Variants in MMD observed in about 807,000 individuals in gnomAD.
The protein encoded by MMD is monocyte to macrophage differentiation factor.
In MMD, 22 loss-of-function variants were observed where a neutral mutation model predicts 33.6. The observed-to-expected ratio is 0.66, with a 90% confidence interval of 0.47 to 0.94. The LOEUF (loss-of-function observed/expected upper bound fraction) is 0.94. Ranked by LOEUF, MMD falls within the 40% of genes least tolerant of loss-of-function variation. MMD has a pLI of 0.00. For synonymous variants in MMD, 97 were observed against 103.2 expected (o/e 0.94, Z 0.36); for missense variants, 242 against 309.8 (o/e 0.78, Z 1.64).
chr17:55,398,111 CA>C lies in MMD; in HGVS notation c.516+3357del, dbSNP rs57881926. On this transcript the variant is annotated intron_variant, in intron 6 of 6. Coordinates refer to ENST00000262065, the MANE Select transcript of MMD (RefSeq NM_012329.3). ...GGAAAAGTTGTAACTATTATTTCTT[CA>C]AAAAAAAAAAAAAAAAAGAAAAGAA... 7.6e-4 allele frequency among the ~76,000 whole-genome samples: 100 copies of C among 132,120 alleles called. 1 individual carries two copies. The highest frequency in any genetic ancestry group is 6.0e-3 in the East Asian group (25 of 4,170). 86.7% of individuals were successfully genotyped at this position (132,120 alleles called of 152,430 possible).
At chr17:55,421,423 G>A (rs1051900310) in intron 1 of MMD, among the ~76,000 whole-genome samples, 12 of 152,204 alleles carry the variant, frequency 7.9e-5, no homozygotes, top group Non-Finnish European at 1.6e-4. Flanking sequence ...TCCCGGGGCC[G>A]GGAATCCATC....
At chr17:55,405,752 T>C (rs2143136441) in intron 4 of MMD, among the ~76,000 whole-genome samples, 1 of 152,280 alleles carries the variant, frequency 6.6e-6, no homozygotes, top group African/African-American at 2.4e-5. Flanking sequence ...AGCACTTACT[T>C]TTTACTCCTT....
chr17:55,418,230 G>C (rs1454242313), intron 1 of MMD, among the ~76,000 whole-genome samples: 1 of 152,196 alleles, frequency 6.6e-6, no homozygotes, highest in Non-Finnish European at 1.5e-5. Flanking sequence ...GTAAGACTTT[G>C]ATTTGTTTTA....
intron 1 of MMD, among the ~76,000 whole-genome samples, chr17:55,416,532 T>C (rs2143160053): frequency 6.6e-6 from 1 of 152,278 alleles, no homozygotes; most frequent in Non-Finnish European, 1.5e-5. Context: ...TGGGGCTCAG[T>C]AGGATAGACA....
At position 55,414,171 on chromosome 17, in the gene MMD, C is replaced by T; in HGVS notation, c.88G>A (p.Ala30Thr). The T allele has an allele frequency of 6.2e-7, 1 of 1,613,890 alleles. No homozygotes were observed. Among genetic ancestry groups the T allele is most frequent in the Non-Finnish European group, 8.5e-7 (1 of 1,179,814 alleles). The change falls in exon 2 of 7, where the codon GCT becomes ACT. Residue 30 changes from alanine to threonine, a missense_variant. Coordinates refer to ENST00000262065, the MANE Select transcript of MMD (RefSeq NM_012329.3). ...RYKPTCYEHA[A>T]NCYTHAFLIV... ...CTCACTGCGTGTGTGTAACAGTTAG[C>T]AGCATGTTCATAGCAAGTTGGCTTG...
Position 55,394,517 on chromosome 17 carries a change from A to T in MMD, c.534T>A (p.Leu178=). The change falls in exon 7 of 7, where the codon CTT becomes CTA. Residue 178 remains leucine, a synonymous_variant. Transcript: ENST00000262065. Reference sequence around the variant, plus strand: ...TTAAGCCCCCACAGGCAAGTTCCTGAAGTCCATCGGTGTTGTTCTGTCAAC... The same window carrying T: ...TTAAGCCCCCACAGGCAAGTTCCTGTAGTCCATCGGTGTTGTTCTGTCAAC... ...VVTSMNNTDG[L]QELACGGLIY... 1 of 1,520,282 alleles carries T rather than the reference A, an allele frequency of 6.6e-7. No homozygotes were observed. Among genetic ancestry groups the T allele is most frequent in the East Asian group, 2.6e-5 (1 of 39,182 alleles). 94.2% of individuals were successfully genotyped at this position (1,520,282 alleles called of 1,614,324 possible).
chr17:55,411,666 A>G (rs1022478193), intron 2 of MMD, among the ~76,000 whole-genome samples: 6 of 152,000 alleles, frequency 3.9e-5, no homozygotes, highest in African/African-American at 1.5e-4. Flanking sequence ...TCAAGGATGC[A>G]ACATCATTCA....
At chr17:55,398,034 C>T (rs1907178167) in intron 6 of MMD, among the ~76,000 whole-genome samples, 2 of 148,708 alleles carry the variant, frequency 1.3e-5, no homozygotes, top group African/African-American at 5.0e-5. Flanking sequence ...TTATACTGCT[C>T]AGGCCTCCTC....
At chr17:55,401,939 A>G (rs1907346469) in intron 5 of MMD, among the ~76,000 whole-genome samples, 1 of 151,884 alleles carries the variant, frequency 6.6e-6, no homozygotes, top group South Asian at 2.1e-4. Context: ...GGGCGTGGCG[A>G]GCGCCTGTAG....
chr17:55,416,926 T>C (rs974186881), intron 1 of MMD, among the ~76,000 whole-genome samples: 2 of 151,994 alleles, frequency 1.3e-5, no homozygotes, highest in African/African-American at 2.4e-5. Context: ...TTTTTACTCA[T>C]TCCTTCACTT....
chr17:55,420,950 GC>G lies in MMD; in HGVS notation c.26+719del, dbSNP rs545416891. Among the ~76,000 whole-genome samples the G allele has an allele frequency of 1.6e-4, 25 of 152,308 alleles. No homozygotes were observed. In the South Asian group the frequency reaches 3.7e-3, roughly 23 times the overall value. On this transcript the variant is annotated intron_variant, in intron 1 of 6. Transcript: ENST00000262065. ...TGAGCAGTCGGCCAGCCTTCCGGTG[GC>G]GCCTCCACGGTTCCTCCTCCTCGTT...
intron 6 of MMD, among the ~76,000 whole-genome samples, chr17:55,397,181 A>G (rs1907133105): frequency 6.6e-6 from 1 of 151,732 alleles, no homozygotes; most frequent in Non-Finnish European, 1.5e-5. Flanking sequence ...ATTTATTTAG[A>G]GACAGCATCT....
chr17:55,398,125 A>AAG (rs1555615084), intron 6 of MMD, among the ~76,000 whole-genome samples: 7 of 139,526 alleles, frequency 5.0e-5, no homozygotes, highest in African/African-American at 1.6e-4. Flanking sequence ...AAAAAAAAAA[A>AAG]AAAAGAAAAG....
intron 3 of MMD, among the ~76,000 whole-genome samples, chr17:55,409,178 T>C (rs1001156766): frequency 7.2e-5 from 11 of 152,238 alleles, no homozygotes; most frequent in African/African-American, 2.4e-4. Context: ...GCCATAGGTC[T>C]AAAGAAGCAA....
intron 2 of MMD, among the ~76,000 whole-genome samples, chr17:55,412,748 G>C (rs1238058341): frequency 6.6e-6 from 1 of 152,170 alleles, no homozygotes; most frequent in East Asian, 1.9e-4. Flanking sequence ...CCTCCGGGAA[G>C]CAATGGCCAC....
intron 5 of MMD, among the ~76,000 whole-genome samples, chr17:55,401,937 C>T (rs1018356939): frequency 1.1e-4 from 17 of 151,772 alleles, no homozygotes; most frequent in African/African-American, 3.9e-4. Flanking sequence ...CTGGGCGTGG[C>T]GAGCGCCTGT....
At position 55,396,601 on chromosome 17, in the gene MMD, T is replaced by G. The variant is rs149689343; in HGVS notation, c.517-2067A>C. ...AACATTTATTTTGCTTTTGTTGTTGTTGGTGGTGGTGGTGGTTATTCTTTT... is the reference window on the plus strand; with the variant it reads ...AACATTTATTTTGCTTTTGTTGTTGGTGGTGGTGGTGGTGGTTATTCTTTT... On this transcript the variant is annotated intron_variant, in intron 6 of 6. Coordinates refer to ENST00000262065, the MANE Select transcript of MMD (RefSeq NM_012329.3). Among the ~76,000 whole-genome samples the G allele has an allele frequency of 6.9e-3, 1,051 of 152,156 alleles. 33 individuals carry two copies. The highest frequency in any genetic ancestry group is 0.06 in the Admixed American group (920 of 15,226).
chr17:55,419,679 C>G (rs1011341647), intron 1 of MMD, among the ~76,000 whole-genome samples: 9 of 152,158 alleles, frequency 5.9e-5, no homozygotes, highest in Admixed American at 1.3e-4. Context: ...TGTTTATAGG[C>G]TTTATTTCCA....
In MMD at chr17:55,421,638, G is replaced by C. The variant is rs780740742; in HGVS notation, c.26+32C>G. On this transcript the variant is annotated intron_variant, in intron 1 of 6. Coordinates refer to ENST00000262065, the MANE Select transcript of MMD (RefSeq NM_012329.3). ...GGATTTGGGAACCCGCTTCTGACAC[G>C]GGCAGCGGGACCGGGACGCCATCCC... 2.4e-5 allele frequency: 38 copies of C among 1,599,100 alleles called. No individual in the cohort carries two copies. In the Middle Eastern group the frequency reaches 6.7e-4, roughly 28 times the overall value.
Sources: allele counts gnomAD v4.1 joint callset (sites outside exome capture counted in the v4.1 genomes callset), GRCh38; gene constraint gnomAD v4.1.1; transcripts MANE v1.5; gene names NCBI Gene and HGNC (gene_info 2026-07-23, HGNC 2026-07-21).